Variants in FMN2 observed in about 807,000 individuals in gnomAD.
FMN2 encodes the protein formin 2, also known as formin-2.
A neutral mutation model predicts 142.3 loss-of-function variants in FMN2; 51 were observed. The observed-to-expected ratio is 0.36, with a 90% CI of 0.29 to 0.45. FMN2 has a LOEUF of 0.45. FMN2 is among the 20% of genes least tolerant of loss of function. FMN2 has a pLI of 1.00. For missense variants in FMN2, 1,936 were observed against 2,122.8 expected (o/e 0.91, Z 1.73); for synonymous variants, 882 against 869.8 (o/e 1.01, Z -0.25).
intron 14 of FMN2, among the ~76,000 whole-genome samples, chr1:240,390,309 A>G (rs909954027): frequency 3.9e-5 from 6 of 152,176 alleles, no homozygotes; most frequent in Non-Finnish European, 5.9e-5. Flanking sequence ...TGATTGTGAT[A>G]TGGCTATTAG....
chr1:240,243,033 G>A (rs929982944), intron 6 of FMN2, among the ~76,000 whole-genome samples: 3 of 152,026 alleles, frequency 2.0e-5, no homozygotes, highest in Non-Finnish European at 4.4e-5. Context: ...ATGCCTGTGA[G>A]ATCAGCCACC....
chr1:240,429,295 A>C (rs1675058088), intron 15 of FMN2, among the ~76,000 whole-genome samples: 1 of 152,076 alleles, frequency 6.6e-6, no homozygotes, highest in African/African-American at 2.4e-5. Context: ...TTTGATAGAC[A>C]TGTCTTTCTC....
At chr1:240,319,045 C>T (rs77888495) in intron 8 of FMN2, among the ~76,000 whole-genome samples, 10,958 of 151,714 alleles carry the variant, frequency 0.072, 461 homozygotes, top group East Asian at 0.12. Context: ...TCTGTCTGGA[C>T]GTGGAATGAA....
At chr1:240,146,393 C>CAA (rs71170704) in intron 2 of FMN2, among the ~76,000 whole-genome samples, 12 of 99,416 alleles carry the variant, frequency 1.2e-4, no homozygotes, top group African/African-American at 3.3e-4. Flanking sequence ...GACTCTGTCT[C>CAA]AAAAAAAAAA....
chr1:240,351,955 C>A (rs937377446), intron 13 of FMN2, among the ~76,000 whole-genome samples: 6 of 152,242 alleles, frequency 3.9e-5, no homozygotes, highest in African/African-American at 1.4e-4. Context: ...AATAAAAGGA[C>A]AGTTATTACT....
chr1:240,334,746 A>G (rs957566407), intron 13 of FMN2, among the ~76,000 whole-genome samples: 26 of 152,196 alleles, frequency 1.7e-4, no homozygotes, highest in African/African-American at 6.3e-4. Flanking sequence ...AAATTTTTCA[A>G]ATTTCTAAAT....
intron 7 of FMN2, among the ~76,000 whole-genome samples, chr1:240,277,525 CTTTTTTTTTTT>C (rs34678861): frequency 9.1e-5 from 6 of 66,140 alleles, no homozygotes; most frequent in East Asian, 4.7e-4. Context: ...GCATCTTCTT[CTTTTTTTTTTT>C]TTTTTTTTTT....
chr1:240,278,843 G>A (rs923645113), intron 7 of FMN2, among the ~76,000 whole-genome samples: 3 of 152,250 alleles, frequency 2.0e-5, no homozygotes, highest in African/African-American at 7.2e-5. Context: ...GATTATTTAT[G>A]TATAGGAGCA....
In FMN2 at chr1:240,093,088, G is replaced by A; in HGVS notation, c.979G>A (p.Glu327Lys). Residue 327 changes from glutamate (E) to lysine (K), a missense_variant, in exon 1 of 18, where the codon GAG becomes AAG. Glu to Lys is a moderately conservative substitution (Grantham distance 56, BLOSUM62 1). Transcript: ENST00000319653. The part of the protein sequence containing the change: ...SPSSTAFPFP[E>K]AGPGEEAAGA... ...CTCCTCCACGGCTTTCCCATTTCCC[G>A]AGGCCGGGCCGGGGGAGGAAGCGGC... 2.9e-6 allele frequency: 4 copies of A among 1,395,042 alleles called. No individual in the cohort carries two copies. In the South Asian group the frequency reaches 4.9e-5, roughly 17 times the overall value. The allele number at this position is 1,395,042 out of a possible 1,614,324, so 86.4% of individuals were successfully genotyped here. A position where few individuals can be genotyped will look rare whatever the true frequency, so the allele number is the denominator to read the frequency against.
chr1:240,333,933 G>A lies in FMN2; in HGVS notation c.4631G>A (p.Arg1544Gln), dbSNP rs778928777. ...LLSYIVSYYL[R>Q]NFDEDAGKEQ... The stretch of plus-strand genomic sequence containing the variant: ...TCATATATTGTTTCGTATTATCTCC[G>A]AAATTTTGATGAGGTAAGACAATTT... The change falls in exon 12 of 18, where the codon CGA becomes CAA. Residue 1544 changes from arginine (R) to glutamine (Q), a missense_variant. Arg to Gln is a conservative substitution (Grantham distance 43). Coordinates refer to ENST00000319653, the MANE Select transcript of FMN2 (RefSeq NM_020066.5). 2.0e-5 allele frequency: 32 copies of A among 1,609,484 alleles called. 2 individuals are homozygous for A. The highest frequency in any genetic ancestry group is 1.7e-4 in the Middle Eastern group (1 of 6,020).
chr1:240,469,348 A>G (rs1404663138), intron 16 of FMN2, among the ~76,000 whole-genome samples: 1 of 152,176 alleles, frequency 6.6e-6, no homozygotes, highest in Non-Finnish European at 1.5e-5. Context: ...GAGGAACTAT[A>G]TTCAAGGTTC....
At chr1:240,094,177 C>T (rs1340752978) in intron 1 of FMN2, among the ~76,000 whole-genome samples, 1 of 152,136 alleles carries the variant, frequency 6.6e-6, no homozygotes, top group African/African-American at 2.4e-5. Context: ...CGGTACGATC[C>T]AAAGGCAGTC....
chr1:240,453,331 G>A (rs1453598157), intron 16 of FMN2, among the ~76,000 whole-genome samples: 1 of 152,038 alleles, frequency 6.6e-6, no homozygotes, highest in African/African-American at 2.4e-5. Flanking sequence ...AACATGAATC[G>A]AAGCATTACC....
At chr1:240,187,617 G>A (rs780793046) in intron 3 of FMN2, among the ~76,000 whole-genome samples, 2 of 152,134 alleles carry the variant, frequency 1.3e-5, no homozygotes, top group African/African-American at 2.4e-5. Context: ...TCTCGCTTAC[G>A]AAAAGAAATC....
chr1:240,191,925 A>G (rs1051454546), intron 4 of FMN2, among the ~76,000 whole-genome samples: 1 of 152,232 alleles, frequency 6.6e-6, no homozygotes, highest in Non-Finnish European at 1.5e-5. Context: ...GTCTTTGAAC[A>G]TTATAATATT....
In FMN2 at chr1:240,180,133, A is replaced by G. The variant is rs559901802; in HGVS notation, c.1930+2065A>G. On this transcript the variant is annotated intron_variant, in intron 3 of 17. Transcript: ENST00000319653. The stretch of plus-strand genomic sequence containing the variant: ...GCTAGAGCAAGTGATTTTTAATGAA[A>G]TAACTTGTCTCCTTTTTAAAAATGC... The G allele has an allele frequency of 2.8e-5, 35 of 1,257,540 alleles. No individual in the cohort carries two copies. The Admixed American group carries it at 7.3e-4, about 26-fold the overall frequency. 77.9% of individuals were successfully genotyped at this position (1,257,540 alleles called of 1,614,324 possible). A position where few individuals can be genotyped will look rare whatever the true frequency, so the allele number is the denominator to read the frequency against.
chr1:240,288,565 G>T (rs1669669425), intron 7 of FMN2, among the ~76,000 whole-genome samples: 1 of 152,176 alleles, frequency 6.6e-6, no homozygotes, highest in East Asian at 1.9e-4. Flanking sequence ...GATGGTCCCT[G>T]GAGATCCCCA....
At chr1:240,278,556 G>A (rs1175114036) in intron 7 of FMN2, among the ~76,000 whole-genome samples, 3 of 152,084 alleles carry the variant, frequency 2.0e-5, no homozygotes, top group East Asian at 1.9e-4. Context: ...TAGAAGAGAC[G>A]AGGAATGGAA....
At chr1:240,180,754 A>G (rs981853692) in intron 3 of FMN2, among the ~76,000 whole-genome samples, 1 of 151,712 alleles carries the variant, frequency 6.6e-6, no homozygotes, top group Non-Finnish European at 1.5e-5. Context: ...TTTAGTAGAG[A>G]CAGGGTTTCA....
Sources: gnomAD v4.1 joint callset for allele counts (sites outside exome capture counted in the v4.1 genomes callset) on GRCh38, gnomAD v4.1.1 for gene constraint, MANE v1.5 for transcripts, NCBI Gene and HGNC (gene_info 2026-07-23, HGNC 2026-07-21) for gene names.